DNAJC1: variants seen among roughly 807,000 people sequenced by gnomAD.
DNAJC1 encodes dnaJ homolog subfamily C member 1.
A neutral mutation model predicts 76.6 loss-of-function variants in DNAJC1; 58 were observed. The observed-to-expected ratio is 0.76, with a 90% confidence interval of 0.61 to 0.94. DNAJC1 has a LOEUF of 0.94. DNAJC1 is among the 40% of genes least tolerant of loss of function. DNAJC1 has a pLI of 0.00. For missense variants in DNAJC1, 689 were observed against 677.3 expected, an observed-to-expected ratio of 1.02 and a Z score of -0.19; for synonymous variants, 258 against 267.9, an observed-to-expected ratio of 0.96 and a Z score of 0.36.
chr10:21,819,971 A>T (rs970817198), intron 8 of DNAJC1, among the ~76,000 whole-genome samples: 1 of 152,158 alleles, frequency 6.6e-6, no homozygotes, highest in African/African-American at 2.4e-5. Flanking sequence ...GCACACCATA[A>T]ATTCACCTAT....
chr10:21,803,731 T>C (rs1477948600), intron 9 of DNAJC1: 1 of 644,638 alleles, frequency 1.6e-6, no homozygotes, highest in African/African-American at 2.0e-5. Context: ...GAAAATGCAG[T>C]GTGGGTCTAT....
chr10:21,759,126 G>A, intron 11 of DNAJC1, 44 bp downstream of exon 11: 2 of 1,557,586 alleles, frequency 1.3e-6, no homozygotes, highest in Non-Finnish European at 1.7e-6. Context: ...CTCCTCTGGT[G>A]GGATTCTAAC....
intron 8 of DNAJC1, among the ~76,000 whole-genome samples, chr10:21,863,981 T>C (rs963318435): frequency 6.6e-6 from 1 of 152,056 alleles, no homozygotes; most frequent in Non-Finnish European, 1.5e-5. Flanking sequence ...GGCGGGTGGA[T>C]CACTTGAGCC....
At chr10:21,838,650 G>A (rs528676124) in intron 8 of DNAJC1, among the ~76,000 whole-genome samples, 1 of 152,076 alleles carries the variant, frequency 6.6e-6, no homozygotes, top group Admixed American at 6.5e-5. Flanking sequence ...AAATAATAAT[G>A]GGAGACTTTA....
intron 1 of DNAJC1, among the ~76,000 whole-genome samples, chr10:21,944,838 T>C (rs1365347523): frequency 2.0e-5 from 3 of 152,204 alleles, no homozygotes; most frequent in Non-Finnish European, 4.4e-5. Context: ...GGGGTAAGGT[T>C]GTAAATGACA....
intron 6 of DNAJC1, among the ~76,000 whole-genome samples, chr10:21,918,266 C>T (rs1836985998): frequency 6.6e-6 from 1 of 151,340 alleles, no homozygotes; most frequent in Non-Finnish European, 1.5e-5. Context: ...TAAATAGAAA[C>T]AGAAACTCAT....
intron 8 of DNAJC1, among the ~76,000 whole-genome samples, chr10:21,847,863 T>G (rs943515711): frequency 2.0e-5 from 3 of 152,158 alleles, no homozygotes; most frequent in African/African-American, 7.2e-5. Flanking sequence ...CATATCCTAA[T>G]GGACACTTAG....
chr10:21,939,372 G>A (rs1348679885), intron 1 of DNAJC1, among the ~76,000 whole-genome samples: 1 of 152,174 alleles, frequency 6.6e-6, no homozygotes. Flanking sequence ...AATTTGTATA[G>A]TGTTATTAAT....
At chr10:21,760,606 A>G (rs1200124498) in intron 10 of DNAJC1, among the ~76,000 whole-genome samples, 2 of 152,272 alleles carry the variant, frequency 1.3e-5, no homozygotes, top group African/African-American at 4.8e-5. Context: ...CCAATGAAAC[A>G]TGCTGTGATA....
intron 11 of DNAJC1, among the ~76,000 whole-genome samples, chr10:21,756,977 G>A (rs533242231): frequency 1.1e-4 from 16 of 152,370 alleles, no homozygotes; most frequent in Admixed American, 4.6e-4. Context: ...GGTGCTTGGC[G>A]TGGAGTGAGG....
intron 8 of DNAJC1, among the ~76,000 whole-genome samples, chr10:21,873,895 A>G (rs1836144616): frequency 6.6e-6 from 1 of 152,236 alleles, no homozygotes; most frequent in African/African-American, 2.4e-5. Context: ...ACAGGGGCAA[A>G]GTTTTTGTAC....
chr10:21,867,802 T>C (rs1013442713), intron 8 of DNAJC1, among the ~76,000 whole-genome samples: 2 of 151,954 alleles, frequency 1.3e-5, no homozygotes, highest in Non-Finnish European at 2.9e-5. Context: ...CCGGGTGCCG[T>C]AGCTCACGTT....
intron 1 of DNAJC1, among the ~76,000 whole-genome samples, chr10:21,946,812 T>G: frequency 6.6e-6 from 1 of 152,192 alleles, no homozygotes; most frequent in East Asian, 1.9e-4. Context: ...GATCCTGCTA[T>G]GGTTTGAATG....
intron 8 of DNAJC1, among the ~76,000 whole-genome samples, chr10:21,816,925 TG>T (rs1177932795): frequency 7.3e-6 from 1 of 137,278 alleles, no homozygotes. Context: ...GAGGCCGAGG[TG>T]GGTGGATCAC....
In DNAJC1 at chr10:21,967,014, C is replaced by CTTCT. The variant is rs1554901344; in HGVS notation, c.222+36198_222+36199insAGAA. Among the ~76,000 whole-genome samples, 6 of 138,776 alleles carry CTTCT rather than the reference C, an allele frequency of 4.3e-5. 1 individual carries two copies. The highest frequency in any genetic ancestry group is 4.1e-4 in the East Asian group (2 of 4,864). 91.0% of individuals were successfully genotyped at this position (138,776 alleles called of 152,430 possible). A position where few individuals can be genotyped will look rare whatever the true frequency, so the allele number is the denominator to read the frequency against. ...TGCCCACCTTTTTCTTCTTCTTCTT[C>CTTCT]TTTTTTTTTTTTTTTTACAGTATCT... On this transcript the variant is annotated intron_variant, in intron 1 of 11. Transcript: ENST00000376980.
At chr10:21,819,044 T>C (rs759405981) in intron 8 of DNAJC1, among the ~76,000 whole-genome samples, 5 of 152,108 alleles carry the variant, frequency 3.3e-5, no homozygotes, top group Non-Finnish European at 5.9e-5. Flanking sequence ...ATGACACTAA[T>C]AGAAAGACTT....
At chr10:21,958,431 CTTTT>C (rs554641280) in intron 1 of DNAJC1, among the ~76,000 whole-genome samples, 1 of 141,224 alleles carries the variant, frequency 7.1e-6, no homozygotes, top group Admixed American at 7.1e-5. Flanking sequence ...ACAGATTTGT[CTTTT>C]TTTTTTTTTT....
At chr10:21,779,735 G>T (rs1362512050) in intron 9 of DNAJC1, among the ~76,000 whole-genome samples, 1 of 152,210 alleles carries the variant, frequency 6.6e-6, no homozygotes, top group South Asian at 2.1e-4. Context: ...ATGGAACAAA[G>T]CTGGATGGAG....
chr10:21,786,219 C>A (rs1834605322), intron 9 of DNAJC1, among the ~76,000 whole-genome samples: 1 of 151,608 alleles, frequency 6.6e-6, no homozygotes, highest in South Asian at 2.1e-4. Context: ...CTCCAAGAGG[C>A]AGAGAGGTCC....
Sources: gnomAD v4.1 joint callset for allele counts (sites outside exome capture counted in the v4.1 genomes callset) on GRCh38, gnomAD v4.1.1 for gene constraint, MANE v1.5 for transcripts, NCBI Gene and HGNC (gene_info 2026-07-23, HGNC 2026-07-21) for gene names.